DMD: variants seen among roughly 807,000 people sequenced by gnomAD.
The protein encoded by DMD is mutant dystrophin.
DMD carries 63 observed loss-of-function variants against 330.1 expected under a neutral mutation model. That is an observed-to-expected ratio of 0.19 (90% confidence interval 0.16 to 0.24). The LOEUF (loss-of-function observed/expected upper bound fraction) is 0.24. Ranked by LOEUF, DMD falls within the 10% of genes least tolerant of loss-of-function variation. The pLI is 1.00. For synonymous variants in DMD, 1,223 were observed against 959.8 expected (o/e 1.27, Z -5.07); for missense variants, 3,344 against 2,684.1 (o/e 1.25, Z -5.43).
At chrX:32,525,524 C>T (rs1230828837) in intron 17 of DMD, among the ~76,000 whole-genome samples, 3 of 111,577 alleles carry the variant, frequency 2.7e-5, no homozygotes, top group Non-Finnish European at 5.6e-5. Context: ...GTCTCCTTCC[C>T]GGATCCTACT....
chrX:32,319,762 GAT>G (rs1333006247), intron 41 of DMD, among the ~76,000 whole-genome samples: 1 of 110,538 alleles, frequency 9.0e-6, no homozygotes, highest in Non-Finnish European at 1.9e-5. Flanking sequence ...ACGATATTAA[GAT>G]ATACTGATTT....
intron 59 of DMD, among the ~76,000 whole-genome samples, chrX:31,476,576 A>C (rs934192452): frequency 9.2e-6 from 1 of 108,620 alleles, no homozygotes; most frequent in Non-Finnish European, 1.9e-5. Context: ...CTGAGAAGGT[A>C]AGTCAAGGCT....
In DMD at chrX:32,448,523, A is replaced by C. The variant is rs769030725; in HGVS notation, c.3719T>G (p.Leu1240Arg). ...PVAQEALKKE[L>R]ETLTTNYQWL... ...CTGGTAGTTGGTGGTTAGAGTTTCA[A>C]GTTCCTTTTTTAAGGCCTCTTGTGC... is the stretch of plus-strand genomic sequence containing the variant. Residue 1240 changes from leucine to arginine, a missense_variant, in exon 27 of 79, where the codon CTT (leucine) becomes CGT (arginine). By Grantham distance (102) the Leu-to-Arg change is moderately radical (BLOSUM62 -2). Coordinates refer to ENST00000357033, the MANE Select transcript of DMD (RefSeq NM_004006.3). The C allele has an allele frequency of 3.1e-5, 38 of 1,207,162 alleles. No homozygotes were observed. The highest frequency in any genetic ancestry group is 4.3e-5 in the Non-Finnish European group (38 of 893,109).
intron 11 of DMD, among the ~76,000 whole-genome samples, chrX:32,618,228 C>T (rs186252490): frequency 2.7e-5 from 3 of 112,085 alleles, no homozygotes; most frequent in Non-Finnish European, 1.9e-5. Context: ...ATGTTCGTGG[C>T]AGCACTATTC....
At chrX:31,910,401 C>T (rs2094532523) in intron 47 of DMD, among the ~76,000 whole-genome samples, 1 of 112,189 alleles carries the variant, frequency 8.9e-6, no homozygotes, top group South Asian at 3.7e-4. Context: ...AGTCGATACA[C>T]AGTAAGTTAT....
intron 12 of DMD, among the ~76,000 whole-genome samples, chrX:32,599,882 T>A (rs2055996446): frequency 8.9e-6 from 1 of 112,099 alleles, no homozygotes; most frequent in African/African-American, 3.2e-5. Flanking sequence ...ATGTTACCAA[T>A]GTTTGTTGTC....
At chrX:32,862,550 A>T (rs1021195021) in intron 2 of DMD, among the ~76,000 whole-genome samples, 2 of 111,541 alleles carry the variant, frequency 1.8e-5, no homozygotes, top group Non-Finnish European at 1.9e-5. Flanking sequence ...AAGTTAGGTC[A>T]GTACTCATTC....
chrX:33,159,348 C>T (rs1355856027), intron 1 of DMD: 1 of 110,696 alleles, frequency 9.0e-6, no homozygotes, highest in Middle Eastern at 4.3e-3. Context: ...AGGTTTGTTA[C>T]ATAGGTATAC....
intron 7 of DMD, among the ~76,000 whole-genome samples, chrX:32,762,368 T>A (rs73209893): frequency 5.3e-4 from 59 of 111,338 alleles, no homozygotes; most frequent in Middle Eastern, 9.3e-3. Flanking sequence ...CTACCATCTC[T>A]TCGGCATTCT....
chrX:31,752,538 A>G (rs1191906407), intron 51 of DMD, among the ~76,000 whole-genome samples: 1 of 110,944 alleles, frequency 9.0e-6, no homozygotes, highest in Non-Finnish European at 1.9e-5. Flanking sequence ...TAACCAAAAG[A>G]CCATTTGAAT....
At position 31,968,511 on chromosome X, in the gene DMD, G is replaced by A; in HGVS notation, c.6442C>T (p.Leu2148Phe). The change falls in exon 45 of 79, where the codon CTC becomes TTC. Residue 2148 changes from leucine to phenylalanine, a missense_variant. Physicochemically the swap from Leu to Phe is conservative, Grantham distance 22. Coordinates refer to ENST00000357033, the MANE Select transcript of DMD (RefSeq NM_004006.3). ...TGCCGCTGCCCAATGCCATCCTGGA[G>A]TTCCTGTAAGATACCAAAAAGGCAA... ...HAKYKWYLKE[L>F]QDGIGQRQTV... 8.3e-7 allele frequency: 1 copy of A among 1,210,091 alleles called. No individual in the cohort carries two copies. The highest frequency in any genetic ancestry group is 1.1e-6 in the Non-Finnish European group (1 of 894,417).
At chrX:33,043,621 G>A (rs1289376706) in intron 1 of DMD, among the ~76,000 whole-genome samples, 1 of 111,593 alleles carries the variant, frequency 9.0e-6, no homozygotes, top group Non-Finnish European at 1.9e-5. Flanking sequence ...AAAATAAATA[G>A]AAAACAAAGA....
At chrX:32,013,928 T>A (rs1239757164) in intron 44 of DMD, among the ~76,000 whole-genome samples, 2 of 112,505 alleles carry the variant, frequency 1.8e-5, no homozygotes, top group Admixed American at 1.9e-4. Flanking sequence ...ATGATTTATT[T>A]AGACAAATAT....
chrX:31,132,806 G>T (rs189608126), intron 77 of DMD, among the ~76,000 whole-genome samples: 155 of 108,576 alleles, frequency 1.4e-3, no homozygotes, highest in Non-Finnish European at 2.4e-3. Flanking sequence ...TTCTCATTAT[G>T]AATTATGACA....
At chrX:31,596,520 G>A (rs1252622306) in intron 55 of DMD, among the ~76,000 whole-genome samples, 1 of 111,625 alleles carries the variant, frequency 9.0e-6, no homozygotes, top group Admixed American at 9.6e-5. Flanking sequence ...GACCTTTGAA[G>A]TCCAGAGATT....
chrX:33,042,951 G>A (rs939382272), intron 1 of DMD, among the ~76,000 whole-genome samples: 7 of 111,704 alleles, frequency 6.3e-5, no homozygotes, highest in Non-Finnish European at 1.1e-4. Context: ...CAGCACACAC[G>A]AATGCATGGT....
intron 12 of DMD, among the ~76,000 whole-genome samples, chrX:32,607,058 T>C (rs764395092): frequency 1.0e-4 from 11 of 109,779 alleles, no homozygotes; most frequent in Non-Finnish European, 1.9e-4. Flanking sequence ...ATTCAGATTA[T>C]GGATATACTA....
At chrX:32,145,107 A>G (rs894579406) in intron 44 of DMD, among the ~76,000 whole-genome samples, 3 of 112,172 alleles carry the variant, frequency 2.7e-5, no homozygotes, top group Non-Finnish European at 3.8e-5. Context: ...ATCATAAATG[A>G]AAACCAAACA....
chrX:32,874,169 A>G (rs2083207153), intron 2 of DMD, among the ~76,000 whole-genome samples: 1 of 112,245 alleles, frequency 8.9e-6, no homozygotes, highest in South Asian at 3.7e-4. Flanking sequence ...AGTGTTTGGC[A>G]CTTTCACAAA....
Sources: gnomAD v4.1 joint callset for allele counts (sites outside exome capture counted in the v4.1 genomes callset) on GRCh38, gnomAD v4.1.1 for gene constraint, MANE v1.5 for transcripts, NCBI Gene and HGNC (gene_info 2026-07-23, HGNC 2026-07-21) for gene names.